NT5C2: variants seen among roughly 807,000 people sequenced by gnomAD.
NT5C2 encodes the protein cytosolic purine 5'-nucleotidase.
Under a neutral mutation model 76.1 loss-of-function variants are expected in NT5C2, and 58 were observed. The ratio of observed to expected loss-of-function variants is 0.76; its 90% CI spans 0.62 to 0.95. The LOEUF (loss-of-function observed/expected upper bound fraction) is 0.95. NT5C2 is among the 40% of genes least tolerant of loss of function. The pLI is 0.00. For synonymous variants in NT5C2, 229 were observed against 237.4 expected (o/e 0.96, Z 0.32); for missense variants, 478 against 690.3 (o/e 0.69, Z 3.45).
At chr10:103,092,556 A>G (rs2067195653) in intron 15 of NT5C2, among the ~76,000 whole-genome samples, 1 of 152,022 alleles carries the variant, frequency 6.6e-6, no homozygotes, top group African/African-American at 2.4e-5. Context: ...ACCACACTGC[A>G]GGTAATGCGC....
chr10:103,130,116 A>G lies in NT5C2; in HGVS notation c.175+9290T>C, dbSNP rs371226026. Among the ~76,000 whole-genome samples, 314 of 150,914 alleles carry G rather than the reference A, an allele frequency of 2.1e-3. 1 individual carries two copies. The highest frequency in any genetic ancestry group is 6.9e-3 in the African/African-American group (281 of 41,000). On this transcript the variant is annotated intron_variant, in intron 4 of 18. Coordinates refer to ENST00000404739, the MANE Select transcript of NT5C2 (RefSeq NM_001351169.2). Reference sequence around the variant, plus strand: ...TGGCGGCTTTGTGGAATAGAAAGGCAGGAAAGGTGGGGAAAAGATTGAGAA... The same window carrying G: ...TGGCGGCTTTGTGGAATAGAAAGGCGGGAAAGGTGGGGAAAAGATTGAGAA...
chr10:103,111,815 A>G (rs1262385935), intron 4 of NT5C2: 1 of 1,230,184 alleles, frequency 8.1e-7, no homozygotes, highest in Non-Finnish European at 1.0e-6. Flanking sequence ...CCTGTTAAAA[A>G]ACAAAAAGCA....
chr10:103,142,827 A>C (rs1395724739), intron 3 of NT5C2, among the ~76,000 whole-genome samples: 1 of 151,972 alleles, frequency 6.6e-6, no homozygotes, highest in Non-Finnish European at 1.5e-5. Flanking sequence ...TACTAAAAAT[A>C]CAAAAATTAG....
rs1158434429 is a variant in NT5C2 at position 103,089,714 on chromosome 10, A to G, written c.1644T>C (p.His548=). ...PLAPQEITHC[H]DEDDDEEEEE... is the part of the protein sequence containing the mutation. ...CCTCCTCTTCATCATCATCTTCGTC[A>G]TGGCAGTGTGTAATTTCCTGGGGGG... is the stretch of plus-strand genomic sequence containing the variant. Residue 548 remains histidine, a synonymous_variant, in exon 19 of 19, where the codon CAT becomes CAC. Coordinates refer to ENST00000404739, the MANE Select transcript of NT5C2 (RefSeq NM_001351169.2). The G allele has an allele frequency of 2.5e-6, 4 of 1,612,544 alleles. No homozygotes were observed. The highest frequency in any genetic ancestry group is 1.1e-5 in the South Asian group (1 of 90,844).
At chr10:103,105,833 C>T (rs1209952983) in intron 5 of NT5C2, 32 bp from the exon 6 acceptor site, 7 of 1,393,908 alleles carry the variant, frequency 5.0e-6, no homozygotes, top group Non-Finnish European at 7.1e-6. Flanking sequence ...ATTGATAATG[C>T]AAAGTAATAC....
intron 1 of NT5C2, among the ~76,000 whole-genome samples, chr10:103,188,902 C>T (rs1332141917): frequency 6.6e-6 from 1 of 151,866 alleles, no homozygotes; most frequent in Non-Finnish European, 1.5e-5. Context: ...GCCTGTAGTA[C>T]TCGGGAGGCA....
chr10:103,116,609 A>G (rs1283952968), intron 4 of NT5C2, among the ~76,000 whole-genome samples: 14 of 124,806 alleles, frequency 1.1e-4, no homozygotes, highest in African/African-American at 4.0e-4. Flanking sequence ...TTGCTCTGCC[A>G]TCCTGGCTGG....
At chr10:103,122,947 T>C (rs1010937776) in intron 4 of NT5C2, among the ~76,000 whole-genome samples, 2 of 152,178 alleles carry the variant, frequency 1.3e-5, no homozygotes, top group Non-Finnish European at 2.9e-5. Context: ...AGGTCTTCAT[T>C]TCCTTATGAA....
At chr10:103,120,151 C>T (rs1238869290) in intron 4 of NT5C2, among the ~76,000 whole-genome samples, 2 of 150,448 alleles carry the variant, frequency 1.3e-5, no homozygotes, top group Admixed American at 6.6e-5. Flanking sequence ...GGATCAAAGA[C>T]CTAAATGTAG....
chr10:103,102,209 T>TA (rs1441101221), intron 6 of NT5C2, among the ~76,000 whole-genome samples: 1 of 152,142 alleles, frequency 6.6e-6, no homozygotes, highest in African/African-American at 2.4e-5. Flanking sequence ...TATCCTTGAA[T>TA]ATAGGCTTGT....
intron 3 of NT5C2, chr10:103,146,455 T>A: frequency 1.0e-6 from 1 of 985,226 alleles, no homozygotes; most frequent in Non-Finnish European, 1.2e-6. Flanking sequence ...AATTACACAT[T>A]GAAAATTTGC....
chr10:103,106,848 T>C (rs2071413079), intron 4 of NT5C2, 142 bp from the exon 5 acceptor site: 1 of 661,714 alleles, frequency 1.5e-6, no homozygotes, highest in African/African-American at 1.8e-5. Context: ...AAACTCCATG[T>C]TCTGTATTGC....
At position 103,175,738 on chromosome 10, in the gene NT5C2, G is replaced by A. The variant is rs149267971; in HGVS notation, c.-24-756C>T. On this transcript the variant is annotated intron_variant, in intron 2 of 18. Transcript: ENST00000404739. The stretch of plus-strand genomic sequence containing the variant: ...ACATGAGGCAGCCGGGGCCACTGGC[G>A]ATGCCATTGAGCCAGCATCCCCTAT... 962 of 270,260 alleles carry A rather than the reference G, an allele frequency of 3.6e-3. 9 individuals are homozygous for A. The highest frequency in any genetic ancestry group is 0.02 in the African/African-American group (883 of 44,434). The allele number at this position is 270,260 out of a possible 1,614,324, so 16.7% of individuals were successfully genotyped here.
Position 103,163,649 on chromosome 10 carries a change from A to G in NT5C2, c.101+11209T>C, listed in dbSNP as rs575815417. ...TAAAAGTTCTTTATATACTCCAGAT[A>G]TAAGTCCTTTATCGAATTTTTTTCA... On this transcript the variant is annotated intron_variant, in intron 3 of 18. Transcript: ENST00000404739. 3.3e-5 allele frequency among the ~76,000 whole-genome samples: 5 copies of G among 151,970 alleles called. No homozygotes were observed. The South Asian group carries it at 8.3e-4, about 25-fold the overall frequency.
intron 3 of NT5C2, among the ~76,000 whole-genome samples, chr10:103,155,679 A>T (rs1314105130): frequency 4.6e-5 from 7 of 152,180 alleles, no homozygotes; most frequent in African/African-American, 7.2e-5. Flanking sequence ...ACAGAGCAAG[A>T]CCCAGTCTCA....
chr10:103,162,929 CCTA>C (rs1413041071), intron 3 of NT5C2, among the ~76,000 whole-genome samples: 3 of 152,088 alleles, frequency 2.0e-5, no homozygotes, highest in Non-Finnish European at 4.4e-5. Context: ...AAAACTCTCC[CCTA>C]CTATCCTTCT....
chr10:103,141,119 T>C (rs1671538245), intron 3 of NT5C2, among the ~76,000 whole-genome samples: 1 of 152,224 alleles, frequency 6.6e-6, no homozygotes, highest in African/African-American at 2.4e-5. Context: ...CTTTGTTTTC[T>C]TTTAGATCTT....
At chr10:103,134,410 G>A (rs2078799362) in intron 4 of NT5C2, among the ~76,000 whole-genome samples, 1 of 152,236 alleles carries the variant, frequency 6.6e-6, no homozygotes, top group Admixed American at 6.5e-5. Flanking sequence ...TGTGGCTTCA[G>A]AGGGTGCAAG....
chr10:103,129,184 C>T (rs1188673013), intron 4 of NT5C2, among the ~76,000 whole-genome samples: 7 of 101,496 alleles, frequency 6.9e-5, no homozygotes, highest in East Asian at 3.9e-4. Context: ...TGCCTCTGCC[C>T]GGCCGCCCCT....
Sources: allele counts gnomAD v4.1 joint callset (sites outside exome capture counted in the v4.1 genomes callset), GRCh38; gene constraint gnomAD v4.1.1; transcripts MANE v1.5; gene names NCBI Gene and HGNC (gene_info 2026-07-23, HGNC 2026-07-21).